The following AK5 variants were observed in gnomAD, a reference collection of about 807,000 sequenced individuals.
AK5 encodes adenylate kinase 5, also known as adenylate kinase isoenzyme 5.
Under a neutral mutation model 69.5 loss-of-function variants are expected in AK5, and 27 were observed. The observed-to-expected ratio is 0.39, with a 90% CI of 0.29 to 0.54. AK5 has a LOEUF of 0.54. AK5 is among the 20% of genes least tolerant of loss of function. The probability of loss-of-function intolerance (pLI) is 0.71; values close to 1 mark genes in which losing one functional copy is unlikely to be tolerated. For missense variants in AK5, 531 were observed against 700.4 expected (o/e 0.76, Z 2.73); for synonymous variants, 260 against 244.4 (o/e 1.06, Z -0.60).
At chr1:77,470,186 C>T (rs2100692854) in intron 8 of AK5, among the ~76,000 whole-genome samples, 1 of 152,302 alleles carries the variant, frequency 6.6e-6, no homozygotes, top group African/African-American at 2.4e-5. Flanking sequence ...GCGTCTGTTG[C>T]ACTACCTGTC....
intron 8 of AK5, among the ~76,000 whole-genome samples, chr1:77,474,123 A>G (rs188207705): frequency 2.4e-3 from 360 of 152,316 alleles, no homozygotes; most frequent in Middle Eastern, 0.01. Flanking sequence ...TGTGGAGTTT[A>G]TCTTAACTAG....
intron 7 of AK5, among the ~76,000 whole-genome samples, chr1:77,416,598 T>C (rs1650443188): frequency 6.6e-6 from 1 of 151,944 alleles, no homozygotes; most frequent in South Asian, 2.1e-4. Flanking sequence ...GGGACAATGA[T>C]AAGAGAAGAG....
chr1:77,400,933 TAAA>T (rs71689422), intron 6 of AK5, among the ~76,000 whole-genome samples: 1,396 of 115,284 alleles, frequency 0.012, 23 homozygotes, highest in African/African-American at 0.04. Context: ...TTCATTCTGT[TAAA>T]AAAAAAAAAA....
At position 77,417,668 on chromosome 1, in the gene AK5, T is replaced by C. The variant is rs145725699; in HGVS notation, c.1012T>C (p.Leu338=). 3.2e-5 allele frequency: 51 copies of C among 1,610,164 alleles called. No homozygotes were observed. Among genetic ancestry groups the C allele is most frequent in the African/African-American group, 1.6e-4 (12 of 74,948 alleles). Residue 338 remains leucine, a synonymous_variant, in exon 8 of 14, where the codon TTG becomes CTG. Coordinates refer to ENST00000354567, the MANE Select transcript of AK5 (RefSeq NM_174858.3). ...GSSDLDPSMI[L]DTGEIIDTGS... ...AAGTGACCTTGATCCTTCGATGATA[T>C]TGGACACTGGAGAGATCATTGATAC...
chr1:77,403,615 G>A (rs948836145), intron 6 of AK5, among the ~76,000 whole-genome samples: 7 of 152,122 alleles, frequency 4.6e-5, no homozygotes, highest in African/African-American at 9.7e-5. Flanking sequence ...GTAGCCATGC[G>A]GCATTATTTC....
chr1:77,437,485 T>C (rs1175031100), intron 8 of AK5, among the ~76,000 whole-genome samples: 1 of 152,148 alleles, frequency 6.6e-6, no homozygotes, highest in East Asian at 1.9e-4. Flanking sequence ...TTCACATGGC[T>C]AAATTTTATT....
At chr1:77,425,167 G>A (rs1044478120) in intron 8 of AK5, among the ~76,000 whole-genome samples, 6 of 152,120 alleles carry the variant, frequency 3.9e-5, no homozygotes, top group South Asian at 2.1e-4. Flanking sequence ...TTCTGTACTC[G>A]ACAAAATTAT....
At chr1:77,393,880 T>C (rs1377469292) in intron 6 of AK5, among the ~76,000 whole-genome samples, 1 of 152,188 alleles carries the variant, frequency 6.6e-6, no homozygotes, top group Admixed American at 6.5e-5. Flanking sequence ...TTATTGTTGA[T>C]ATTATTAAGA....
intron 10 of AK5, among the ~76,000 whole-genome samples, chr1:77,505,306 T>C (rs528803318): frequency 1.3e-5 from 2 of 152,330 alleles, no homozygotes; most frequent in East Asian, 1.9e-4. Flanking sequence ...AACAGTAAGA[T>C]ACTTATTTTC....
rs540715027 is a variant in AK5 at position 77,406,382 on chromosome 1, G to T, written c.892-4599G>T. ...GTGGACTCCATGAGTTGAGGAGATG[G>T]AACTGAGAGTCCAAGAAATCAAGGT... is the stretch of plus-strand genomic sequence containing the variant. On this transcript the variant is annotated intron_variant, in intron 6 of 13. Transcript: ENST00000354567. Among the ~76,000 whole-genome samples the T allele has an allele frequency of 4.5e-4, 68 of 152,188 alleles. 3 individuals are homozygous for T. In the South Asian group the frequency reaches 0.013, roughly 29 times the overall value.
At chr1:77,292,369 G>A (rs1658735266) in intron 2 of AK5, among the ~76,000 whole-genome samples, 2 of 152,154 alleles carry the variant, frequency 1.3e-5, no homozygotes, top group Non-Finnish European at 2.9e-5. Context: ...AATCTAGTGG[G>A]TCTGTGGTCA....
rs57826298 is a variant in AK5, at chr1:77,533,517, A to ACAAAC, written c.1429-2330_1429-2329insCAAAC. 2.1e-3 allele frequency among the ~76,000 whole-genome samples: 85 copies of ACAAAC among 41,328 alleles called. 3 individuals are homozygous for ACAAAC. The South Asian group carries it at 0.041, about 20-fold the overall frequency. 27.1% of individuals were successfully genotyped at this position (41,328 alleles called of 152,430 possible). ...GAGCAAGACTCTGTCACCAAAAAAAAAAAAAAAAAAAAAAAAAACAGATTC... is the reference window on the plus strand; with the variant it reads ...GAGCAAGACTCTGTCACCAAAAAAAACAAACAAAAAAAAAAAAAAAAAACAGATTC... On this transcript the variant is annotated intron_variant, in intron 12 of 13. Transcript: ENST00000354567.
intron 6 of AK5, among the ~76,000 whole-genome samples, chr1:77,358,018 T>TGTGTGAGAGAGAGAGA (rs762714026): frequency 3.9e-5 from 5 of 128,272 alleles, no homozygotes; most frequent in African/African-American, 8.3e-5. Context: ...TGTGTGTGTG[T>TGTGTGAGAGAGAGAGA]GAGAGAGAGA....
intron 8 of AK5, among the ~76,000 whole-genome samples, chr1:77,419,587 T>C (rs543099564): frequency 6.6e-6 from 1 of 152,146 alleles, no homozygotes; most frequent in African/African-American, 2.4e-5. Flanking sequence ...CAATTAACGG[T>C]TGAATAGTAA....
intron 6 of AK5, among the ~76,000 whole-genome samples, chr1:77,405,687 G>C (rs1253706574): frequency 6.6e-6 from 1 of 152,120 alleles, no homozygotes; most frequent in African/African-American, 2.4e-5. Flanking sequence ...ACCAAGAAGT[G>C]GAGGGATCCA....
chr1:77,521,951 G>A lies in AK5; in HGVS notation c.1428+8G>A, dbSNP rs1206115660. On this transcript the variant is annotated splice_region_variant and intron_variant, in intron 12 of 13. Transcript: ENST00000354567. ...GAAGAGTTCGGACGCAGGGTGAGTG[G>A]TTGTTACGGGCATCCTTCCAGAAGA... 9 of 1,576,762 alleles carry A rather than the reference G, an allele frequency of 5.7e-6. No individual in the cohort carries two copies. The highest frequency in any genetic ancestry group is 5.6e-5 in the Admixed American group (3 of 53,326).
At chr1:77,471,370 A>G (rs1654500272) in intron 8 of AK5, among the ~76,000 whole-genome samples, 1 of 152,220 alleles carries the variant, frequency 6.6e-6, no homozygotes, top group Non-Finnish European at 1.5e-5. Flanking sequence ...CAAATTAAAT[A>G]ATACAAAGTA....
chr1:77,360,209 A>C (rs924656683), intron 6 of AK5, among the ~76,000 whole-genome samples: 4 of 152,200 alleles, frequency 2.6e-5, no homozygotes, highest in Non-Finnish European at 5.9e-5. Context: ...AGCCAAAGCA[A>C]CATCTTAGGA....
At chr1:77,320,449 A>T (rs1220610679) in intron 5 of AK5, among the ~76,000 whole-genome samples, 2 of 152,304 alleles carry the variant, frequency 1.3e-5, no homozygotes, top group South Asian at 2.1e-4. Flanking sequence ...AAAGTAAAGG[A>T]TTAAAAAGGT....
Sources: allele counts gnomAD v4.1 joint callset (sites outside exome capture counted in the v4.1 genomes callset), GRCh38; gene constraint gnomAD v4.1.1; transcripts MANE v1.5; gene names NCBI Gene and HGNC (gene_info 2026-07-23, HGNC 2026-07-21).